OPCML: variants seen among roughly 807,000 people sequenced by gnomAD.
OPCML encodes the protein opioid-binding protein/cell adhesion molecule.
A neutral mutation model predicts 37.8 loss-of-function variants in OPCML; 13 were observed. That is an observed-to-expected ratio of 0.34 (90% confidence interval 0.22 to 0.55). OPCML has a LOEUF of 0.55. OPCML is among the 20% of genes least tolerant of loss of function. OPCML has a pLI of 0.91. For missense variants in OPCML, 341 were observed against 435.6 expected (o/e 0.78, Z 1.93); for synonymous variants, 176 against 168.8 (o/e 1.04, Z -0.33).
chr11:132,558,918 T>G (rs6590645), intron 3 of OPCML, among the ~76,000 whole-genome samples: 18 of 151,868 alleles, frequency 1.2e-4, no homozygotes, highest in Middle Eastern at 3.4e-3. Flanking sequence ...ATTCCATTCA[T>G]GTGCCCCCAT....
intron 2 of OPCML, among the ~76,000 whole-genome samples, chr11:132,781,298 C>T (rs971556595): frequency 2.0e-5 from 3 of 151,978 alleles, no homozygotes; most frequent in African/African-American, 7.2e-5. Context: ...TCCAGTCAAC[C>T]GAAGACCCAA....
chr11:132,717,031 A>G (rs892344066), intron 2 of OPCML, among the ~76,000 whole-genome samples: 4 of 152,194 alleles, frequency 2.6e-5, no homozygotes, highest in African/African-American at 9.6e-5. Context: ...AAATTTAAAC[A>G]TGGAGATACT....
At position 132,942,988 on chromosome 11, in the gene OPCML, A is replaced by G. The variant is rs1945635022; in HGVS notation, c.84T>C (p.Asp28=). The G allele has an allele frequency of 9.3e-6, 15 of 1,613,956 alleles. No homozygotes were observed. The highest frequency in any genetic ancestry group is 1.3e-5 in the Non-Finnish European group (15 of 1,180,006). Residue 28 remains aspartate (D), a synonymous_variant, in exon 2 of 8, where the codon GAT becomes GAC. Transcript: ENST00000524381. ...TGTCCATAGCTTTGGGGAAGGTGGC[A>G]TCTCCGCTGCGCACGGGCACTCCTG... The part of the protein sequence containing the change: ...FIPGVPVRSG[D]ATFPKAMDNV...
chr11:132,680,850 A>G (rs1262494972), intron 2 of OPCML, among the ~76,000 whole-genome samples: 1 of 152,188 alleles, frequency 6.6e-6, no homozygotes, highest in Non-Finnish European at 1.5e-5. Flanking sequence ...CATGTGAAGA[A>G]TTCAGCAGCA....
chr11:133,176,526 G>A (rs1937602206), intron 1 of OPCML, among the ~76,000 whole-genome samples: 1 of 152,044 alleles, frequency 6.6e-6, no homozygotes, highest in South Asian at 2.1e-4. Flanking sequence ...ATTGAATCAT[G>A]GGGTGCATTT....
chr11:132,509,253 G>A (rs2096263680), intron 4 of OPCML, among the ~76,000 whole-genome samples: 1 of 152,140 alleles, frequency 6.6e-6, no homozygotes, highest in Non-Finnish European at 1.5e-5. Context: ...CATTCAAGAG[G>A]TGACTGTTAA....
intron 2 of OPCML, among the ~76,000 whole-genome samples, chr11:132,818,721 C>T (rs1490793356): frequency 7.2e-6 from 1 of 139,838 alleles, no homozygotes; most frequent in Non-Finnish European, 1.5e-5. Flanking sequence ...CTTACTAATA[C>T]ATGTGTTAAT....
chr11:132,992,009 G>A (rs1207874478), intron 1 of OPCML, among the ~76,000 whole-genome samples: 8 of 150,370 alleles, frequency 5.3e-5, no homozygotes, highest in Admixed American at 6.7e-5. Context: ...GTGGATTAAT[G>A]CTGTAACATT....
intron 1 of OPCML, chr11:133,421,412 G>T: frequency 1.0e-6 from 1 of 985,430 alleles, no homozygotes; most frequent in Non-Finnish European, 1.2e-6. Context: ...CAGGCATTTC[G>T]TTGTGTATGT....
intron 2 of OPCML, among the ~76,000 whole-genome samples, chr11:132,739,048 C>G (rs371143443): frequency 6.6e-6 from 1 of 152,186 alleles, no homozygotes; most frequent in Non-Finnish European, 1.5e-5. Flanking sequence ...CTTAATAACC[C>G]GAGATAACTC....
At chr11:132,676,982 C>A (rs2135837608) in intron 2 of OPCML, among the ~76,000 whole-genome samples, 1 of 151,966 alleles carries the variant, frequency 6.6e-6, no homozygotes, top group South Asian at 2.1e-4. Context: ...TTGATATAAT[C>A]ATCTATGTAG....
At chr11:133,066,052 C>T (rs1294358538) in intron 1 of OPCML, 2 of 152,594 alleles carry the variant, frequency 1.3e-5, no homozygotes, top group Admixed American at 6.5e-5. Flanking sequence ...GTGCCCGCAA[C>T]ATCTGATCTC....
At chr11:132,424,981 G>A (rs2095973297) in intron 7 of OPCML, among the ~76,000 whole-genome samples, 2 of 152,216 alleles carry the variant, frequency 1.3e-5, no homozygotes, top group Admixed American at 1.3e-4. Flanking sequence ...TGAGGGCTCT[G>A]GAGGATGTGG....
chr11:132,880,483 G>A (rs1025920720), intron 2 of OPCML, among the ~76,000 whole-genome samples: 1 of 152,204 alleles, frequency 6.6e-6, no homozygotes, highest in African/African-American at 2.4e-5. Context: ...GGAAACACAT[G>A]AGGATTCATA....
intron 3 of OPCML, among the ~76,000 whole-genome samples, chr11:132,600,430 G>C (rs184818306): frequency 1.3e-5 from 2 of 152,320 alleles, no homozygotes; most frequent in East Asian, 3.9e-4. Flanking sequence ...TCTCCATGTG[G>C]AGTTTCCTTG....
At chr11:132,472,897 TC>T (rs1429859367) in intron 4 of OPCML, among the ~76,000 whole-genome samples, 1 of 152,234 alleles carries the variant, frequency 6.6e-6, no homozygotes, top group Non-Finnish European at 1.5e-5. Context: ...TAAAAATGCC[TC>T]GTATGCTCTG....
At chr11:133,081,802 G>C (rs902297597) in intron 1 of OPCML, among the ~76,000 whole-genome samples, 4 of 152,088 alleles carry the variant, frequency 2.6e-5, no homozygotes, top group African/African-American at 9.7e-5. Context: ...AGCCCCCGCC[G>C]TTCGAATGGC....
intron 1 of OPCML, among the ~76,000 whole-genome samples, chr11:133,082,571 CT>C (rs1948746878): frequency 7.9e-6 from 1 of 126,422 alleles, no homozygotes; most frequent in African/African-American, 3.0e-5. Context: ...TTCCCCTCCT[CT>C]CCTCCTCATC....
chr11:132,950,573 G>A (rs1945836719), intron 1 of OPCML, among the ~76,000 whole-genome samples: 1 of 152,186 alleles, frequency 6.6e-6, no homozygotes, highest in African/African-American at 2.4e-5. Context: ...AAGATTTGAA[G>A]CTTAGCATGG....
Sources: gnomAD v4.1 joint callset for allele counts (sites outside exome capture counted in the v4.1 genomes callset) on GRCh38, gnomAD v4.1.1 for gene constraint, MANE v1.5 for transcripts, NCBI Gene and HGNC (gene_info 2026-07-23, HGNC 2026-07-21) for gene names.